Variants in TTC38 observed in about 807,000 individuals in gnomAD.
TTC38 encodes tetratricopeptide repeat domain 38.
TTC38 carries 64 observed loss-of-function variants against 64.2 expected under a neutral mutation model. The observed-to-expected ratio is 1.00, with a 90% CI of 0.81 to 1.23. The LOEUF (loss-of-function observed/expected upper bound fraction) is 1.23. Among genes scored for constraint, TTC38 ranks in the 50% most tolerant of loss-of-function variants. The pLI is 0.00. For synonymous variants in TTC38, 254 were observed against 249.3 expected (o/e 1.02, Z -0.18); for missense variants, 573 against 615.5 (o/e 0.93, Z 0.73).
chr22:46,280,769 C>T (rs1021440409), intron 6 of TTC38, among the ~76,000 whole-genome samples: 2 of 152,168 alleles, frequency 1.3e-5, no homozygotes, highest in African/African-American at 4.8e-5. Context: ...CTTCTGGACC[C>T]CTATGAAAGG....
chr22:46,287,209 A>T, intron 10 of TTC38, 55 bp downstream of exon 10: 2 of 1,497,986 alleles, frequency 1.3e-6, no homozygotes, highest in South Asian at 1.2e-5. Context: ...CATCATGAGG[A>T]GAGGGTGCTG....
chr22:46,279,630 G>A (rs1269454384), intron 6 of TTC38, among the ~76,000 whole-genome samples: 2 of 152,242 alleles, frequency 1.3e-5, no homozygotes, highest in Non-Finnish European at 2.9e-5. Flanking sequence ...AGACAGCATT[G>A]GGGCCCAAGG....
rs1936947631 is a variant in TTC38, at chr22:46,273,819, C to G, written c.194-79C>G. The G allele has an allele frequency of 4.7e-6, 7 of 1,488,228 alleles. No individual in the cohort carries two copies. Among genetic ancestry groups the G allele is most frequent in the Non-Finnish European group, 6.5e-6 (7 of 1,081,416 alleles). The allele number at this position is 1,488,228 out of a possible 1,614,324, so 92.2% of individuals were successfully genotyped here. ...GCCCCTCCTGGGACGTGGGGTGTCT[C>G]TGTGACATGTGGAGTCTGGGCTGGG... On this transcript the variant is annotated intron_variant, in intron 3 of 13. Coordinates refer to ENST00000381031, the MANE Select transcript of TTC38 (RefSeq NM_017931.4). This position sits in a 1 kb window ranked among gnomAD's most constrained non-coding sequence, Gnocchi z 5.1.
rs1936962784 is a variant in TTC38, at chr22:46,274,342, C to A, written c.365+273C>A. Among the ~76,000 whole-genome samples, 1 of 152,160 alleles carries A rather than the reference C, an allele frequency of 6.6e-6. No homozygotes were observed. The highest frequency in any genetic ancestry group is 2.4e-5 in the African/African-American group (1 of 41,416). ...AGTAAATTATATATTATTTTCCTTACAAAAATAATAGGGTCACACTACAGA... is the reference window on the plus strand; with the variant it reads ...AGTAAATTATATATTATTTTCCTTAAAAAAATAATAGGGTCACACTACAGA... On this transcript the variant is annotated intron_variant, in intron 4 of 13. Coordinates refer to ENST00000381031, the MANE Select transcript of TTC38 (RefSeq NM_017931.4). The surrounding 1 kb of genome is among the most constrained non-coding windows in gnomAD (Gnocchi z 4.8).
Position 46,291,792 on chromosome 22 carries a change from TAAAAATACA to T in TTC38, c.1317-992_1317-984del, listed in dbSNP as rs2147804205. ...TAATATGGTGAAACTCCGCCTCTAC[TAAAAATACA>T]AAAAATTAGCCGGGCGTGGTGGTGG... is the stretch of plus-strand genomic sequence containing the variant. On this transcript the variant is annotated intron_variant, in intron 13 of 13. Transcript: ENST00000381031. This position sits in a 1 kb window ranked among gnomAD's most constrained non-coding sequence, Gnocchi z 4.6. Among the ~76,000 whole-genome samples, 1 of 152,162 alleles carries T rather than the reference TAAAAATACA, an allele frequency of 6.6e-6. No homozygotes were observed. Among genetic ancestry groups the T allele is most frequent in the East Asian group, 1.9e-4 (1 of 5,178 alleles).
At chr22:46,283,884 T>G in intron 7 of TTC38, 89 bp from the exon 8 acceptor site, 1 of 587,280 alleles carries the variant, frequency 1.7e-6, no homozygotes, top group Non-Finnish European at 2.8e-6. Context: ...AAAAAGATGA[T>G]GGTTTCTGCA....
intron 5 of TTC38, among the ~76,000 whole-genome samples, chr22:46,277,605 CAAAAAAA>C (rs130643): frequency 1.5e-5 from 1 of 66,530 alleles, no homozygotes; most frequent in African/African-American, 5.7e-5. Context: ...ACTCTGTCTC[CAAAAAAA>C]AAAAAAAAAA....
chr22:46,285,145 T>G, intron 8 of TTC38, 96 bp from the exon 9 acceptor site: 1 of 1,063,548 alleles, frequency 9.4e-7, no homozygotes, highest in South Asian at 1.3e-5. Context: ...GGAGACCATG[T>G]GCTCAGGGGT....
chr22:46,283,905 A>G (rs2077552702), intron 7 of TTC38, 68 bp from the exon 8 acceptor site: 1 of 1,122,974 alleles, frequency 8.9e-7, no homozygotes, highest in Admixed American at 2.3e-5. Flanking sequence ...TTAGCACAAA[A>G]CAACATTTGT....
At position 46,291,716 on chromosome 22, in the gene TTC38, A is replaced by T. The variant is rs1018479365; in HGVS notation, c.1317-1075A>T. ...ATGCCTGTAATCCCAGCACTTTCGG[A>T]GGCCAAGGCGGGTGGATCACCTGAG... On this transcript the variant is annotated intron_variant, in intron 13 of 13. Transcript: ENST00000381031. This position sits in a 1 kb window ranked among gnomAD's most constrained non-coding sequence, Gnocchi z 4.6. Among the ~76,000 whole-genome samples, 13 of 152,140 alleles carry T rather than the reference A, an allele frequency of 8.5e-5. No individual in the cohort carries two copies. The highest frequency in any genetic ancestry group is 4.4e-5 in the Non-Finnish European group (3 of 68,032).
rs1281561849 is a variant in TTC38, at chr22:46,291,726, G to T, written c.1317-1065G>T. Among the ~76,000 whole-genome samples the T allele has an allele frequency of 6.6e-6, 1 of 152,140 alleles. No individual in the cohort carries two copies. The highest frequency in any genetic ancestry group is 2.4e-5 in the African/African-American group (1 of 41,420). ...TCCCAGCACTTTCGGAGGCCAAGGCGGGTGGATCACCTGAGGTCAGGAGTT... is the reference window on the plus strand; with the variant it reads ...TCCCAGCACTTTCGGAGGCCAAGGCTGGTGGATCACCTGAGGTCAGGAGTT... On this transcript the variant is annotated intron_variant, in intron 13 of 13. Coordinates refer to ENST00000381031, the MANE Select transcript of TTC38 (RefSeq NM_017931.4). The surrounding 1 kb of genome is among the most constrained non-coding windows in gnomAD (Gnocchi z 4.6).
rs1045212937 is a variant in TTC38 at position 46,275,514 on chromosome 22, A to G, written c.539+93A>G. 6.3e-6 allele frequency: 8 copies of G among 1,266,440 alleles called. No individual in the cohort carries two copies. The Admixed American group carries it at 1.8e-4, about 29-fold the overall frequency. 78.5% of individuals were successfully genotyped at this position (1,266,440 alleles called of 1,614,324 possible). A position where few individuals can be genotyped will look rare whatever the true frequency, so the allele number is the denominator to read the frequency against. On this transcript the variant is annotated intron_variant, in intron 5 of 13. Coordinates refer to ENST00000381031, the MANE Select transcript of TTC38 (RefSeq NM_017931.4). The surrounding 1 kb of genome is among the most constrained non-coding windows in gnomAD (Gnocchi z 4.5). ...TGACTCTCTTGGCCCTGTCCTAAAAATAATGGGACCACTGTTGCTATTCTC... is the reference window on the plus strand; with the variant it reads ...TGACTCTCTTGGCCCTGTCCTAAAAGTAATGGGACCACTGTTGCTATTCTC...
rs944368047 is a variant in TTC38, at chr22:46,273,415, G to A, written c.194-483G>A. 6.6e-6 allele frequency among the ~76,000 whole-genome samples: 1 copy of A among 152,234 alleles called. No individual in the cohort carries two copies. The highest frequency in any genetic ancestry group is 2.4e-5 in the African/African-American group (1 of 41,464). ...TGGGGGCCTGCACTCCTGCCAGCAA[G>A]GCTGCTGCGAGGGCCACAAGGCACT... On this transcript the variant is annotated intron_variant, in intron 3 of 13. Transcript: ENST00000381031. The surrounding 1 kb of genome is among the most constrained non-coding windows in gnomAD (Gnocchi z 5.1).
rs1165295136 is a variant in TTC38, at chr22:46,290,478, C to CTGCAGG, written c.1316+579_1316+580insTGCAGG. Among the ~76,000 whole-genome samples the CTGCAGG allele has an allele frequency of 2.2e-3, 292 of 135,786 alleles. 13 individuals carry two copies. The highest frequency in any genetic ancestry group is 3.6e-3 in the Middle Eastern group (1 of 278). 89.1% of individuals were successfully genotyped at this position (135,786 alleles called of 152,430 possible). On this transcript the variant is annotated intron_variant, in intron 13 of 13. Coordinates refer to ENST00000381031, the MANE Select transcript of TTC38 (RefSeq NM_017931.4). ...AGGCATGGGGCTGGTAGGAGGGTGGCGTGGCTGGAGGGTGAGTGTTAGGGT... is the reference window on the plus strand; with the variant it reads ...AGGCATGGGGCTGGTAGGAGGGTGGCTGCAGGGTGGCTGGAGGGTGAGTGTTAGGGT...
intron 5 of TTC38, among the ~76,000 whole-genome samples, chr22:46,277,022 C>T (rs2077495217): frequency 7.2e-6 from 1 of 138,324 alleles, no homozygotes; most frequent in African/African-American, 2.8e-5. Context: ...TAAATGACCC[C>T]AGTAAACAAT....
rs56258934 is a variant in TTC38 at position 46,289,437 on chromosome 22, G to A, written c.1118G>A (p.Arg373Gln). The A allele has an allele frequency of 1.8e-4, 284 of 1,609,366 alleles. No individual in the cohort carries two copies. The highest frequency in any genetic ancestry group is 2.3e-4 in the Non-Finnish European group (275 of 1,179,712). Residue 373 changes from arginine (R) to glutamine (Q), a missense_variant, in exon 12 of 14, where the codon CGA (arginine) becomes CAA (glutamine). Coordinates refer to ENST00000381031, the MANE Select transcript of TTC38 (RefSeq NM_017931.4). ...PGENCQHLLA[R>Q]DVGLPLCQAL... ...GAGAACTGCCAGCACCTCCTGGCCC[G>A]AGACGTGGGGCTGCCCCTGTGCCAG...
chr22:46,291,169 T>C lies in TTC38; in HGVS notation c.1316+1270T>C, dbSNP rs2077612232. The stretch of plus-strand genomic sequence containing the variant: ...AATGTCTTGGACGCATGCTCCCCGC[T>C]TTCCCCTTCCATGGCTGTAGACAAA... On this transcript the variant is annotated intron_variant, in intron 13 of 13. Transcript: ENST00000381031. This position sits in a 1 kb window ranked among gnomAD's most constrained non-coding sequence, Gnocchi z 4.6. Among the ~76,000 whole-genome samples, 1 of 152,220 alleles carries C rather than the reference T, an allele frequency of 6.6e-6. No individual in the cohort carries two copies. The highest frequency in any genetic ancestry group is 2.1e-4 in the South Asian group (1 of 4,830).
intron 6 of TTC38, chr22:46,279,961 G>A (rs571851098): frequency 1.5e-4 from 56 of 368,174 alleles, no homozygotes; most frequent in African/African-American, 1.2e-3. Context: ...CACTGAGGGT[G>A]GCCAAAAAAA....
intron 6 of TTC38, among the ~76,000 whole-genome samples, chr22:46,279,236 G>A (rs948794791): frequency 5.3e-5 from 8 of 152,180 alleles, no homozygotes; most frequent in Admixed American, 2.6e-4. Flanking sequence ...ATGGTCTCAC[G>A]CTCTGGGGGT....
Sources: allele counts gnomAD v4.1 joint callset (sites outside exome capture counted in the v4.1 genomes callset), GRCh38; gene constraint gnomAD v4.1.1; non-coding constraint Gnocchi (gnomAD v3.1); transcripts MANE v1.5; gene names NCBI Gene and HGNC (gene_info 2026-07-23, HGNC 2026-07-21).